Variants in DNAH17 observed in about 807,000 individuals in gnomAD.
DNAH17 encodes dynein axonemal heavy chain 17, also known as axonemal beta dynein heavy chain 17.
DNAH17 carries 376 observed loss-of-function variants against 485.6 expected under a neutral mutation model. The ratio of observed to expected loss-of-function variants is 0.77; its 90% confidence interval spans 0.71 to 0.84. The LOEUF (loss-of-function observed/expected upper bound fraction) is 0.84. Ranked by LOEUF, DNAH17 falls within the 40% of genes least tolerant of loss-of-function variation. The probability of loss-of-function intolerance (pLI) is 0.00; values close to 1 mark genes in which losing one functional copy is unlikely to be tolerated. For synonymous variants in DNAH17, 3,031 were observed against 2,405.9 expected (o/e 1.26, Z -7.60); for missense variants, 6,370 against 5,839.3 (o/e 1.09, Z -2.96).
At chr17:78,504,271 GC>G (rs2090409257) in intron 31 of DNAH17, among the ~76,000 whole-genome samples, 1 of 152,018 alleles carries the variant, frequency 6.6e-6, no homozygotes, top group African/African-American at 2.4e-5. Flanking sequence ...CGCCGTGTTA[GC>G]CAGGCTGGTC....
chr17:78,434,283 T>A (rs2086789752), intron 74 of DNAH17, 63 bp from the exon 75 acceptor site: 1 of 1,504,684 alleles, frequency 6.6e-7, no homozygotes, highest in Non-Finnish European at 9.0e-7. Flanking sequence ...GAAATGCCCC[T>A]GAGGGTGACC....
rs776464880 is a variant in DNAH17 at position 78,486,087 on chromosome 17, A to C, written c.7148T>G (p.Phe2383Cys). The C allele has an allele frequency of 6.2e-7, 1 of 1,613,912 alleles. No homozygotes were observed. The highest frequency in any genetic ancestry group is 8.5e-7 in the Non-Finnish European group (1 of 1,179,878). Reference protein sequence around the residue: ...VEFSKWWINEFKTIKFPSQGT... With the variant: ...VEFSKWWINECKTIKFPSQGT... ...CTGCGAGGGGAACTTGATAGTCTTG[A>C]ATTCGTTGATCCACCATTTACTGAA... The change falls in exon 46 of 81, where the codon TTC (phenylalanine) becomes TGC (cysteine). Residue 2383 changes from phenylalanine to cysteine, a missense_variant. Transcript: ENST00000389840.
chr17:78,549,958 G>C (rs571394289), intron 16 of DNAH17, among the ~76,000 whole-genome samples: 2 of 152,206 alleles, frequency 1.3e-5, no homozygotes, highest in Non-Finnish European at 2.9e-5. Flanking sequence ...AGAGGAGGCT[G>C]GGTGAGCATT....
Position 78,456,004 on chromosome 17 carries a change from G to A in DNAH17, c.9978-168C>T, listed in dbSNP as rs975216697. 6.2e-4 allele frequency among the ~76,000 whole-genome samples: 94 copies of A among 152,106 alleles called. 2 individuals are homozygous for A. Among genetic ancestry groups the A allele is most frequent in the East Asian group, 1.9e-4 (1 of 5,178 alleles). On this transcript the variant is annotated intron_variant, in intron 62 of 80. Coordinates refer to ENST00000389840, the MANE Select transcript of DNAH17 (RefSeq NM_173628.4). ...GGGAGGAAATGCTTTAGAGAAGCCC[G>A]AATCATGCTTTGTGGCCGGGCGTGG...
intron 9 of DNAH17, among the ~76,000 whole-genome samples, chr17:78,568,771 T>C (rs2092307670): frequency 6.6e-6 from 1 of 152,188 alleles, no homozygotes; most frequent in Non-Finnish European, 1.5e-5. Flanking sequence ...TTTAAGTTTT[T>C]ATCTGCTGTG....
intron 54 of DNAH17, among the ~76,000 whole-genome samples, chr17:78,472,241 AGTAGGGGTGCGAGGGTTAGGGTTAGGG>A (rs1169386795): frequency 9.6e-4 from 128 of 133,688 alleles, no homozygotes; most frequent in African/African-American, 3.4e-3. Flanking sequence ...AGGGTTATGG[AGTAGGGGTGCGAGGGTTAGGGTTAGGG>A]AGTAGGGGTG....
At position 78,538,367 on chromosome 17, in the gene DNAH17, A is replaced by G. The variant is rs1299088526; in HGVS notation, c.2677-886T>C. Among the ~76,000 whole-genome samples, 4 of 152,108 alleles carry G rather than the reference A, an allele frequency of 2.6e-5. No homozygotes were observed. In the East Asian group the frequency reaches 5.8e-4, roughly 22 times the overall value. ...TTACAGTGATGGGATTGAGAACCCA[A>G]GTGCTCTTCCTGCCAAACTAACGAT... On this transcript the variant is annotated intron_variant, in intron 18 of 80. Transcript: ENST00000389840.
intron 16 of DNAH17, among the ~76,000 whole-genome samples, chr17:78,545,237 T>C (rs2091726853): frequency 6.6e-6 from 1 of 152,248 alleles, no homozygotes; most frequent in African/African-American, 2.4e-5. Context: ...AACGATATGA[T>C]TAAGCCTGTG....
At chr17:78,440,158 C>A (rs1343126432) in intron 72 of DNAH17, among the ~76,000 whole-genome samples, 3 of 149,814 alleles carry the variant, frequency 2.0e-5, no homozygotes, top group African/African-American at 7.4e-5. Context: ...TGATCTTGAA[C>A]TCCAGGGCTC....
At chr17:78,554,524 T>C (rs1232816870) in intron 14 of DNAH17, among the ~76,000 whole-genome samples, 1 of 148,932 alleles carries the variant, frequency 6.7e-6, no homozygotes, top group Non-Finnish European at 1.5e-5. Flanking sequence ...AGAAATTAAT[T>C]TAATGCTTGA....
At position 78,480,799 on chromosome 17, in the gene DNAH17, A is replaced by G. The variant is rs374619062; in HGVS notation, c.7650-13T>C. The G allele has an allele frequency of 3.8e-6, 6 of 1,599,454 alleles. No homozygotes were observed. The highest frequency in any genetic ancestry group is 1.3e-5 in the African/African-American group (1 of 74,774). ...ATGTCTGTCATACCTGAGGGGGGAA[A>G]CCAGCATTCATGTTGTGCCCCTGGC... On this transcript the variant is annotated splice_polypyrimidine_tract_variant and intron_variant, in intron 48 of 80. Transcript: ENST00000389840.
At position 78,455,799 on chromosome 17, in the gene DNAH17, C is replaced by A. The variant is rs777027365; in HGVS notation, c.10015G>T (p.Ala3339Ser). 2 of 1,609,714 alleles carry A rather than the reference C, an allele frequency of 1.2e-6. No homozygotes were observed. The highest frequency in any genetic ancestry group is 2.2e-5 in the East Asian group (1 of 44,696). ...CTCCTGAAGTTCTCCACAGACTCAG[C>A]CCAGCGGATGTTTTCCGATGCTAAT... ...GGLASENIRW[A>S]ESVENFRSQG... Residue 3339 changes from alanine (A) to serine (S), a missense_variant, in exon 63 of 81, where the codon GCT becomes TCT. Physicochemically the swap from Ala to Ser is moderately conservative, Grantham distance 99. Coordinates refer to ENST00000389840, the MANE Select transcript of DNAH17 (RefSeq NM_173628.4).
chr17:78,537,075 C>T (rs1039335953), intron 19 of DNAH17, among the ~76,000 whole-genome samples: 2 of 149,700 alleles, frequency 1.3e-5, no homozygotes, highest in Non-Finnish European at 1.5e-5. Flanking sequence ...CTACTCGGGA[C>T]GCTGAGGCAG....
chr17:78,514,436 C>T (rs996527159), intron 26 of DNAH17, among the ~76,000 whole-genome samples: 55 of 135,122 alleles, frequency 4.1e-4, no homozygotes, highest in African/African-American at 1.5e-3. Context: ...ACCTGGGAGG[C>T]GGAGGTTGCA....
chr17:78,538,440 G>C (rs912508566), intron 18 of DNAH17, among the ~76,000 whole-genome samples: 1 of 152,166 alleles, frequency 6.6e-6, no homozygotes, highest in Non-Finnish European at 1.5e-5. Context: ...TCACACTGTG[G>C]CCACTGATCT....
Position 78,571,257 on chromosome 17 carries a change from CAT to C in DNAH17, c.832+20_832+21del. ...GGCACAAACAGCTTCGTGCAGAACT[CAT>C]GACAGGGTCACAGGCTCACCTTCAG... On this transcript the variant is annotated intron_variant, in intron 5 of 80. Transcript: ENST00000389840. 1 of 1,600,816 alleles carries C rather than the reference CAT, an allele frequency of 6.2e-7. No individual in the cohort carries two copies. Among genetic ancestry groups the C allele is most frequent in the Non-Finnish European group, 8.5e-7 (1 of 1,170,968 alleles).
At chr17:78,543,615 G>A (rs1041494766) in intron 17 of DNAH17, 14 of 567,958 alleles carry the variant, frequency 2.5e-5, no homozygotes, top group Admixed American at 1.5e-4. Flanking sequence ...AGTAAAGGCA[G>A]GGTTTCACCA....
At chr17:78,550,173 G>T (rs373928889) in intron 16 of DNAH17, among the ~76,000 whole-genome samples, 5 of 152,228 alleles carry the variant, frequency 3.3e-5, no homozygotes, top group South Asian at 2.1e-4. Flanking sequence ...GCGAGACAAC[G>T]CCATCAACAG....
intron 10 of DNAH17, 90 bp downstream of exon 10, chr17:78,566,909 G>A (rs935731725): frequency 1.4e-5 from 20 of 1,459,020 alleles, no homozygotes; most frequent in South Asian, 4.1e-5. Context: ...TGCTTCCTCC[G>A]TGTGCCCTCC....
Sources: allele counts gnomAD v4.1 joint callset (sites outside exome capture counted in the v4.1 genomes callset), GRCh38; gene constraint gnomAD v4.1.1; transcripts MANE v1.5; gene names NCBI Gene and HGNC (gene_info 2026-07-23, HGNC 2026-07-21).